LRP1B: variants seen among roughly 807,000 people sequenced by gnomAD.
LRP1B encodes low-density lipoprotein receptor-related protein 1B.
Under a neutral mutation model 556.6 loss-of-function variants are expected in LRP1B, and 217 were observed. The observed-to-expected ratio is 0.39, with a 90% CI of 0.35 to 0.44. LRP1B has a LOEUF of 0.44. Among genes scored for constraint, LRP1B ranks in the 20% least tolerant of loss-of-function variants. The pLI is 1.00. For synonymous variants in LRP1B, 2,047 were observed against 1,865.8 expected (o/e 1.10, Z -2.50); for missense variants, 5,053 against 5,620.8 (o/e 0.90, Z 3.23).
chr2:141,951,108 A>G (rs1014975716), intron 1 of LRP1B, among the ~76,000 whole-genome samples: 1 of 152,186 alleles, frequency 6.6e-6, no homozygotes, highest in African/African-American at 2.4e-5. Context: ...GGCTGCGTAA[A>G]TAAGAGTATG....
chr2:140,748,148 ATGTG>A (rs1173236245), intron 35 of LRP1B, among the ~76,000 whole-genome samples: 1 of 134,664 alleles, frequency 7.4e-6, no homozygotes, highest in Non-Finnish European at 1.6e-5. Flanking sequence ...ATTCATATAT[ATGTG>A]TGTATATATT....
intron 27 of LRP1B, among the ~76,000 whole-genome samples, chr2:140,860,687 A>G (rs758812220): frequency 1.1e-4 from 17 of 152,052 alleles, no homozygotes; most frequent in Non-Finnish European, 7.4e-5. Context: ...TTTAATTCCA[A>G]TTAGAGCAGC....
intron 25 of LRP1B, among the ~76,000 whole-genome samples, chr2:140,880,105 G>A (rs1001194359): frequency 2.6e-5 from 4 of 151,988 alleles, no homozygotes; most frequent in African/African-American, 4.8e-5. Flanking sequence ...TTTCACCAAC[G>A]AAATTTTTAT....
chr2:140,450,759 C>G, intron 62 of LRP1B, 98 bp from the exon 63 acceptor site: 1 of 741,892 alleles, frequency 1.3e-6, no homozygotes, highest in Non-Finnish European at 2.2e-6. Flanking sequence ...TACTTTTTTG[C>G]TGCAGATGTG....
At chr2:140,656,743 G>T (rs1684892753) in intron 41 of LRP1B, among the ~76,000 whole-genome samples, 2 of 152,044 alleles carry the variant, frequency 1.3e-5, no homozygotes, top group African/African-American at 4.8e-5. Context: ...CACTTTCAGG[G>T]AATTTTCAAT....
At chr2:140,408,343 A>C (rs1343425706) in intron 66 of LRP1B, among the ~76,000 whole-genome samples, 1 of 152,086 alleles carries the variant, frequency 6.6e-6, no homozygotes, top group Admixed American at 6.6e-5. Flanking sequence ...AAACTAATTT[A>C]AAAAAATTAA....
chr2:141,789,185 G>A (rs1695525265), intron 2 of LRP1B, among the ~76,000 whole-genome samples: 1 of 151,896 alleles, frequency 6.6e-6, no homozygotes, highest in Non-Finnish European at 1.5e-5. Context: ...TTAATATACG[G>A]CTTCTGGATA....
intron 35 of LRP1B, among the ~76,000 whole-genome samples, chr2:140,748,376 TA>T (rs1192105822): frequency 0.027 from 2,285 of 85,132 alleles, 123 homozygotes; most frequent in Non-Finnish European, 0.041. Flanking sequence ...TATATATGTA[TA>T]TATATTCATA....
intron 1 of LRP1B, among the ~76,000 whole-genome samples, chr2:141,960,346 T>C (rs1267410573): frequency 1.3e-5 from 2 of 151,858 alleles, no homozygotes; most frequent in Non-Finnish European, 2.9e-5. Context: ...TAGTAATCAT[T>C]GATAGGGCAA....
chr2:140,565,615 T>A (rs911070646), intron 43 of LRP1B, among the ~76,000 whole-genome samples: 2 of 152,190 alleles, frequency 1.3e-5, no homozygotes, highest in Non-Finnish European at 2.9e-5. Flanking sequence ...AGATGTTTGA[T>A]AAGAAATCCC....
chr2:141,064,056 C>A (rs771827070), intron 7 of LRP1B, among the ~76,000 whole-genome samples: 9 of 151,830 alleles, frequency 5.9e-5, no homozygotes, highest in Middle Eastern at 3.4e-3. Flanking sequence ...ATCCCCTGAC[C>A]CCTGACAAAA....
At chr2:141,381,738 C>G (rs373966189) in intron 3 of LRP1B, among the ~76,000 whole-genome samples, 3 of 152,070 alleles carry the variant, frequency 2.0e-5, no homozygotes, top group Non-Finnish European at 4.4e-5. Flanking sequence ...GGATAATATA[C>G]TCAGAGTCCT....
At chr2:141,118,223 A>C (rs1336555091) in intron 7 of LRP1B, among the ~76,000 whole-genome samples, 2 of 151,888 alleles carry the variant, frequency 1.3e-5, no homozygotes, top group Non-Finnish European at 2.9e-5. Flanking sequence ...ATGGCTGCCA[A>C]TTATTTTATA....
At chr2:141,342,604 A>G (rs1382585138) in intron 3 of LRP1B, among the ~76,000 whole-genome samples, 1 of 151,976 alleles carries the variant, frequency 6.6e-6, no homozygotes, top group East Asian at 2.0e-4. Flanking sequence ...GAACTGAGCA[A>G]GCAGAAGAAA....
intron 27 of LRP1B, among the ~76,000 whole-genome samples, chr2:140,861,316 A>C (rs1470881691): frequency 1.3e-5 from 2 of 152,182 alleles, no homozygotes; most frequent in African/African-American, 4.8e-5. Context: ...CAGAGGCTGG[A>C]GAATCGCTTG....
chr2:141,443,330 G>A (rs187869205), intron 3 of LRP1B, among the ~76,000 whole-genome samples: 4 of 152,170 alleles, frequency 2.6e-5, no homozygotes, highest in African/African-American at 9.6e-5. Flanking sequence ...CTGTATATTA[G>A]CACTTTGTCA....
intron 77 of LRP1B, among the ~76,000 whole-genome samples, chr2:140,341,150 C>A (rs1681371253): frequency 6.6e-6 from 1 of 151,458 alleles, no homozygotes; most frequent in African/African-American, 2.4e-5. Flanking sequence ...AAATTGTGTT[C>A]TTATATCTCA....
At chr2:141,546,989 A>G (rs777970933) in intron 2 of LRP1B, among the ~76,000 whole-genome samples, 38 of 152,150 alleles carry the variant, frequency 2.5e-4, no homozygotes, top group Non-Finnish European at 4.4e-4. Flanking sequence ...CCAAAGTTCC[A>G]GCATCCCTTT....
At chr2:141,307,572 G>A (rs1385971227) in intron 3 of LRP1B, among the ~76,000 whole-genome samples, 3 of 152,060 alleles carry the variant, frequency 2.0e-5, no homozygotes, top group Non-Finnish European at 4.4e-5. Flanking sequence ...CATTCAGCTA[G>A]TCTATTTCTT....
Sources: allele counts gnomAD v4.1 joint callset (sites outside exome capture counted in the v4.1 genomes callset), GRCh38; gene constraint gnomAD v4.1.1; transcripts MANE v1.5; gene names NCBI Gene and HGNC (gene_info 2026-07-23, HGNC 2026-07-21).